Variants in RAD52 observed in about 807,000 individuals in gnomAD.
The protein encoded by RAD52 is RAD52 DNA repair protein.
In RAD52, 47 loss-of-function variants were observed where a neutral mutation model predicts 55.5. The ratio of observed to expected loss-of-function variants is 0.85; its 90% CI spans 0.67 to 1.08. The LOEUF (loss-of-function observed/expected upper bound fraction) is 1.08. Among genes scored for constraint, RAD52 ranks in the 50% least tolerant of loss-of-function variants. The pLI, the probability that RAD52 is intolerant of heterozygous loss-of-function variation, is 0.00. For missense variants in RAD52, 468 were observed against 522.8 expected, an observed-to-expected ratio of 0.90 and a Z score of 1.02; for synonymous variants, 184 against 198.9, an observed-to-expected ratio of 0.92 and a Z score of 0.63.
intron 7 of RAD52, among the ~76,000 whole-genome samples, chr12:922,527 A>G (rs950970910): frequency 6.6e-6 from 1 of 152,200 alleles, no homozygotes; most frequent in South Asian, 2.1e-4. Flanking sequence ...TATATATACA[A>G]CAGAATATTC....
In RAD52 at chr12:921,138, C is replaced by T. The variant is rs546677453; in HGVS notation, c.543+4312G>A. ...ACTTCTGGGGTGCAGGGAAAGAAGT[C>T]GTAAGAGGGAAGTTACACACATAGT... On this transcript the variant is annotated intron_variant, in intron 7 of 11. Coordinates refer to ENST00000358495, the MANE Select transcript of RAD52 (RefSeq NM_134424.4). Among the ~76,000 whole-genome samples, 27 of 151,252 alleles carry T rather than the reference C, an allele frequency of 1.8e-4. No homozygotes were observed. The South Asian group carries it at 5.0e-3, about 28-fold the overall frequency.
chr12:968,131 A>G (rs1189339569), intron 1 of RAD52, among the ~76,000 whole-genome samples: 2 of 152,146 alleles, frequency 1.3e-5, no homozygotes, highest in Non-Finnish European at 2.9e-5. Flanking sequence ...TCTTTCCTCC[A>G]TAAAAGCAAG....
At chr12:940,194 G>T (rs914389830) in intron 1 of RAD52, among the ~76,000 whole-genome samples, 1 of 152,154 alleles carries the variant, frequency 6.6e-6, no homozygotes, top group African/African-American at 2.4e-5. Context: ...CGTTAAATCG[G>T]GAGGGAGGAA....
At chr12:930,540 G>A (rs181341116) in intron 3 of RAD52, among the ~76,000 whole-genome samples, 1 of 151,866 alleles carries the variant, frequency 6.6e-6, no homozygotes, top group East Asian at 1.9e-4. Context: ...CATATTTTAT[G>A]GAAGACCAAA....
chr12:990,747 G>A (rs2154122913), upstream of RAD52: 1 of 152,376 alleles, frequency 6.6e-6, no homozygotes, highest in East Asian at 1.9e-4. Flanking sequence ...TGCTCCCGCG[G>A]CGCTTGGCTG....
At chr12:950,058 CG>C (rs1341373458), upstream of RAD52, among the ~76,000 whole-genome samples, 1 of 152,180 alleles carries the variant, frequency 6.6e-6, no homozygotes, top group Non-Finnish European at 1.5e-5. Context: ...CATTAGGATG[CG>C]GGGCCCGCCC....
chr12:989,588 T>C (rs1392651031), intron 1 of RAD52, among the ~76,000 whole-genome samples: 1 of 152,178 alleles, frequency 6.6e-6, no homozygotes, highest in Non-Finnish European at 1.5e-5. Flanking sequence ...AATCTGAATC[T>C]GTGTTAGGAC....
At chr12:990,865 G>A (rs1379491356), upstream of RAD52, among the ~76,000 whole-genome samples, 14 of 152,110 alleles carry the variant, frequency 9.2e-5, no homozygotes, top group Non-Finnish European at 2.9e-5. Flanking sequence ...ACGGCAAGCA[G>A]GAGGAGACAA....
intron 1 of RAD52, among the ~76,000 whole-genome samples, chr12:955,810 G>A: frequency 6.7e-6 from 1 of 148,598 alleles, no homozygotes; most frequent in East Asian, 2.0e-4. Flanking sequence ...ATGGAGTCTT[G>A]CTCTGTTGCG....
chr12:920,828 C>A (rs902243353), intron 7 of RAD52, among the ~76,000 whole-genome samples: 6 of 152,154 alleles, frequency 3.9e-5, no homozygotes, highest in Non-Finnish European at 8.8e-5. Flanking sequence ...ACATTCCACC[C>A]ACCAATAGCA....
intron 7 of RAD52, among the ~76,000 whole-genome samples, chr12:925,034 T>C (rs1483476185): frequency 6.7e-6 from 1 of 149,460 alleles, no homozygotes; most frequent in East Asian, 2.0e-4. Context: ...CACTGCAAGC[T>C]CTGCCTCCCG....
At chr12:926,905 A>G (rs73604264) in intron 6 of RAD52, 2 of 1,537,050 alleles carry the variant, frequency 1.3e-6, no homozygotes, top group African/African-American at 2.7e-5. Context: ...CACGGAGAAG[A>G]GAGAGTACAG....
chr12:929,324 T>C (rs940937527), intron 5 of RAD52, among the ~76,000 whole-genome samples: 6 of 152,218 alleles, frequency 3.9e-5, no homozygotes, highest in Admixed American at 1.3e-4. Context: ...TTATCCTCTA[T>C]AGTATTTAGA....
chr12:989,467 G>C (rs1959144262), intron 1 of RAD52, among the ~76,000 whole-genome samples: 1 of 152,020 alleles, frequency 6.6e-6, no homozygotes, highest in Non-Finnish European at 1.5e-5. Context: ...ACATGTGCTC[G>C]GTTAGCTAGC....
At chr12:919,595 C>T (rs1364201540) in intron 7 of RAD52, among the ~76,000 whole-genome samples, 1 of 150,068 alleles carries the variant, frequency 6.7e-6, no homozygotes, top group Admixed American at 6.7e-5. Context: ...CTAAAAAATA[C>T]GAAACATTAG....
chr12:935,265 G>A (rs936657678), intron 1 of RAD52, among the ~76,000 whole-genome samples: 1 of 151,948 alleles, frequency 6.6e-6, no homozygotes, highest in Non-Finnish European at 1.5e-5. Flanking sequence ...CTGGAGGGAG[G>A]AGACTTAATA....
chr12:933,849 T>C (rs905154673), intron 1 of RAD52, among the ~76,000 whole-genome samples: 3 of 152,038 alleles, frequency 2.0e-5, no homozygotes, highest in Non-Finnish European at 4.4e-5. Context: ...TGGCCAGGCA[T>C]GGTGGCTCAA....
chr12:957,499 A>AT (rs1425452622), intron 1 of RAD52, among the ~76,000 whole-genome samples: 2 of 145,200 alleles, frequency 1.4e-5, no homozygotes, highest in Admixed American at 7.0e-5. Context: ...AAGAATTGTC[A>AT]TTTTGTATGG....
chr12:945,805 A>G (rs1445142305), intron 1 of RAD52, among the ~76,000 whole-genome samples: 1 of 148,654 alleles, frequency 6.7e-6, no homozygotes, highest in Non-Finnish European at 1.5e-5. Flanking sequence ...CAGGCAGATC[A>G]TGAGGTCAGG....
Sources: gnomAD v4.1 joint callset for allele counts (sites outside exome capture counted in the v4.1 genomes callset) on GRCh38, gnomAD v4.1.1 for gene constraint, MANE v1.5 for transcripts, NCBI Gene and HGNC (gene_info 2026-07-23, HGNC 2026-07-21) for gene names.